Variants in MFSD1 observed in about 807,000 individuals in gnomAD.
MFSD1 encodes the protein major facilitator superfamily domain containing 1, also known as lysosomal dipeptide transporter MFSD1.
Under a neutral mutation model 67.1 loss-of-function variants are expected in MFSD1, and 59 were observed. The observed-to-expected ratio is 0.88, with a 90% CI of 0.71 to 1.09. The LOEUF is 1.09. MFSD1 is among the 50% of genes least tolerant of loss of function. The pLI is 0.00. For synonymous variants in MFSD1, 213 were observed against 200.3 expected (o/e 1.06, Z -0.54); for missense variants, 552 against 566.1 (o/e 0.97, Z 0.25).
chr3:158,804,333 T>C lies in MFSD1; in HGVS notation c.178T>C (p.Tyr60His). Residue 60 changes from tyrosine to histidine, a missense_variant, in exon 2 of 16, where the codon TAT becomes CAT. Physicochemically the swap from Tyr to His is moderately conservative, Grantham distance 83. Coordinates refer to ENST00000415822, the MANE Select transcript of MFSD1 (RefSeq NM_022736.4). Reference protein sequence around the residue: ...CFLGFGSYFCYDNPAALQTQV... With the variant: ...CFLGFGSYFCHDNPAALQTQV... ...CTCTTTTCTAGGCAGCTATTTTTGCTATGATAATCCTGCTGCCCTTCAGAC... is the reference window on the plus strand; with the variant it reads ...CTCTTTTCTAGGCAGCTATTTTTGCCATGATAATCCTGCTGCCCTTCAGAC... 6.2e-7 allele frequency: 1 copy of C among 1,610,342 alleles called. No individual in the cohort carries two copies. Among genetic ancestry groups the C allele is most frequent in the Non-Finnish European group, 8.5e-7 (1 of 1,178,608 alleles).
chr3:158,828,688 G>C (rs558648802), intron 15 of MFSD1, among the ~76,000 whole-genome samples: 1 of 152,120 alleles, frequency 6.6e-6, no homozygotes, highest in Non-Finnish European at 1.5e-5. Context: ...TCACATGCTT[G>C]TTTTAAACCC....
intron 7 of MFSD1, 174 bp from the exon 8 acceptor site, chr3:158,819,475 A>C (rs772209210): frequency 6.3e-6 from 3 of 476,008 alleles, no homozygotes; most frequent in African/African-American, 6.0e-5. Flanking sequence ...GAGTATTTGA[A>C]TGTACTCTTC....
chr3:158,802,904 A>G (rs1340460860), intron 1 of MFSD1, among the ~76,000 whole-genome samples: 1 of 152,078 alleles, frequency 6.6e-6, no homozygotes, highest in African/African-American at 2.4e-5. Context: ...GGGTCTTACA[A>G]TGTTGTCCAG....
intron 1 of MFSD1, chr3:158,802,606 A>G: frequency 1.5e-6 from 1 of 670,976 alleles, no homozygotes. Flanking sequence ...TAGAGGCGAT[A>G]GATATGAAGG....
At chr3:158,821,687 C>T (rs750604124) in intron 10 of MFSD1, 34 bp downstream of exon 10, 12 of 1,509,686 alleles carry the variant, frequency 7.9e-6, no homozygotes, top group Non-Finnish European at 1.0e-5. Flanking sequence ...GTGCCTATTG[C>T]ATGTGAAGTA....
Position 158,805,491 on chromosome 3 carries a change from A to G in MFSD1, c.329+17A>G. The stretch of plus-strand genomic sequence containing the variant: ...TGGAATACGGTAAGCTTGAAAAGAA[A>G]CTATGGGTAAATCTTACCTGATTGT... On this transcript the variant is annotated intron_variant, in intron 3 of 15. Transcript: ENST00000415822. 1 of 1,532,788 alleles carries G rather than the reference A, an allele frequency of 6.5e-7. No homozygotes were observed. Among genetic ancestry groups the G allele is most frequent in the South Asian group, 1.1e-5 (1 of 89,386 alleles). The allele number at this position is 1,532,788 out of a possible 1,614,324, so 94.9% of individuals were successfully genotyped here.
intron 11 of MFSD1, 190 bp from the exon 12 acceptor site, chr3:158,823,238 C>T (rs1011434766): frequency 2.6e-5 from 15 of 571,098 alleles, no homozygotes; most frequent in African/African-American, 1.3e-4. Flanking sequence ...TGTATCTTGT[C>T]GCTAAAAGGA....
chr3:158,805,533 TA>T, intron 3 of MFSD1, 59 bp downstream of exon 3: 1 of 1,194,116 alleles, frequency 8.4e-7, no homozygotes, highest in South Asian at 1.2e-5. Flanking sequence ...AATACAGAGC[TA>T]GATTAAGGTA....
intron 11 of MFSD1, chr3:158,822,360 GTT>G: frequency 3.3e-6 from 1 of 298,736 alleles, no homozygotes; most frequent in Non-Finnish European, 6.1e-6. Context: ...TATTTAACCA[GTT>G]AACTTCAGTG....
rs1559912708 is a variant in MFSD1 at position 158,802,154 on chromosome 3, T to TGGAGGA, written c.9_14dup (p.Glu3_Glu4dup). 1 of 1,612,404 alleles carries TGGAGGA rather than the reference T, an allele frequency of 6.2e-7. No homozygotes were observed. The highest frequency in any genetic ancestry group is 1.3e-5 in the African/African-American group (1 of 74,836). On this transcript the variant is annotated inframe_insertion, in exon 1 of 16. Transcript: ENST00000415822. ...CCCTCTCCGTCTCCTGCGGGCGCAA[T>TGGAGGA]GGAGGAGGAGGATGAGGAAGCGCGG...
intron 13 of MFSD1, 82 bp downstream of exon 13, chr3:158,824,318 A>C: frequency 2.0e-6 from 2 of 977,144 alleles, no homozygotes; most frequent in Non-Finnish European, 3.1e-6. Flanking sequence ...TAGCTCCCAG[A>C]TTTGCCTAAT....
At position 158,805,406 on chromosome 3, in the gene MFSD1, G is replaced by T. The variant is rs763833593; in HGVS notation, c.261G>T (p.Trp87Cys). 48 of 1,614,044 alleles carry T rather than the reference G, an allele frequency of 3.0e-5. No homozygotes were observed. Among genetic ancestry groups the T allele is most frequent in the Non-Finnish European group, 4.1e-5 (48 of 1,179,960 alleles). The stretch of plus-strand genomic sequence containing the variant: ...CGAAATTCATGCTGCTGTATGCCTG[G>T]TATTCTTGGCCCAATGTAGTTTTGT... ...NTTKFMLLYA[W>C]YSWPNVVLCF... is the part of the protein sequence containing the mutation. The change falls in exon 3 of 16, where the codon TGG becomes TGT. Residue 87 changes from tryptophan to cysteine, a missense_variant. Coordinates refer to ENST00000415822, the MANE Select transcript of MFSD1 (RefSeq NM_022736.4).
Position 158,820,240 on chromosome 3 carries a change from A to G in MFSD1, c.777A>G (p.Val259=). The G allele has an allele frequency of 6.2e-7, 1 of 1,607,776 alleles. No homozygotes were observed. The highest frequency in any genetic ancestry group is 8.5e-7 in the Non-Finnish European group (1 of 1,174,614). ...KTGEVIKLTD[V]KDFSLPLWLI... ...GTGAAGTTATTAAATTAACTGATGT[A>G]AAGGACTTCTCCTTACCCCTGTGGC... Residue 259 remains valine, a synonymous_variant, in exon 9 of 16, where the codon GTA becomes GTG. Transcript: ENST00000415822.
At chr3:158,802,375 G>T in intron 1 of MFSD1, 60 bp downstream of exon 1, 2 of 1,596,778 alleles carry the variant, frequency 1.3e-6, no homozygotes, top group Non-Finnish European at 1.7e-6. Flanking sequence ...TCTCTTCGAG[G>T]TAGATCGTCA....
rs1730715849 is a variant in MFSD1, at chr3:158,822,160, A to T, written c.1077+20A>T. 1.3e-6 allele frequency: 2 copies of T among 1,592,540 alleles called. No individual in the cohort carries two copies. The highest frequency in any genetic ancestry group is 1.7e-5 in the Admixed American group (1 of 59,772). On this transcript the variant is annotated intron_variant, in intron 11 of 15. Coordinates refer to ENST00000415822, the MANE Select transcript of MFSD1 (RefSeq NM_022736.4). ...GCTATGGTAACGTCTGTGTTAGCCC[A>T]TGGTGGGGTCAGGGCTTCAGCAAGG... is the stretch of plus-strand genomic sequence containing the variant.
chr3:158,814,564 G>T (rs901462627), intron 7 of MFSD1, among the ~76,000 whole-genome samples: 2 of 151,890 alleles, frequency 1.3e-5, no homozygotes, highest in African/African-American at 4.8e-5. Context: ...CAGGGGATCC[G>T]CTCACTTCTG....
At chr3:158,802,622 C>T (rs1559913175) in intron 1 of MFSD1, 2 of 634,452 alleles carry the variant, frequency 3.2e-6, no homozygotes, top group Non-Finnish European at 5.8e-6. Context: ...GAAGGTAACT[C>T]CAGATTTTCA....
intron 3 of MFSD1, 123 bp downstream of exon 3, chr3:158,805,597 T>A: frequency 4.9e-6 from 4 of 812,194 alleles, no homozygotes; most frequent in Non-Finnish European, 8.1e-6. Context: ...TTGCTTGAGT[T>A]TTTTAAAAAA....
At chr3:158,822,163 G>C in intron 11 of MFSD1, 23 bp downstream of exon 11, 5 of 1,591,784 alleles carry the variant, frequency 3.1e-6, no homozygotes, top group Non-Finnish European at 4.3e-6. Context: ...TTAGCCCATG[G>C]TGGGGTCAGG....
Sources: allele counts gnomAD v4.1 joint callset (sites outside exome capture counted in the v4.1 genomes callset), GRCh38; gene constraint gnomAD v4.1.1; transcripts MANE v1.5; gene names NCBI Gene and HGNC (gene_info 2026-07-23, HGNC 2026-07-21).